Variants in SAMD4A observed in about 807,000 individuals in gnomAD.
SAMD4A encodes protein Smaug homolog 1.
SAMD4A carries 33 observed loss-of-function variants against 81.3 expected under a neutral mutation model. The observed-to-expected ratio is 0.41, with a 90% CI of 0.31 to 0.54. SAMD4A has a LOEUF of 0.54. Among genes scored for constraint, SAMD4A ranks in the 20% least tolerant of loss-of-function variants. The pLI is 0.37. For missense variants in SAMD4A, 854 were observed against 951.1 expected, an observed-to-expected ratio of 0.90 and a Z score of 1.34; for synonymous variants, 389 against 382.1, an observed-to-expected ratio of 1.02 and a Z score of -0.21.
Position 54,702,557 on chromosome 14 carries a change from C to A in SAMD4A, c.692C>A (p.Thr231Lys). The A allele has an allele frequency of 6.2e-7, 1 of 1,614,064 alleles. No homozygotes were observed. The highest frequency in any genetic ancestry group is 8.5e-7 in the Non-Finnish European group (1 of 1,179,958). The stretch of plus-strand genomic sequence containing the variant: ...TCATCTGTCCCCACCACAATCAATA[C>A]GATTGGAACCAGCACAAGTACAAGT... ...SSSSVPTTINTIGTSTSTILS... is the reference protein window; with the variant it reads ...SSSSVPTTINKIGTSTSTILS... The change falls in exon 3 of 13, where the codon ACG becomes AAG. Residue 231 changes from threonine (T) to lysine (K), a missense_variant. Thr to Lys is a moderately conservative substitution (Grantham distance 78, BLOSUM62 -1). This residue lies in a region of SAMD4A where 387 missense variants were observed against 405.8 expected (regional missense o/e 0.95). Coordinates refer to ENST00000554335, the MANE Select transcript of SAMD4A (RefSeq NM_015589.6).
rs769193366 is a variant in SAMD4A at position 54,678,433 on chromosome 14, T to TTGTGTGTGTGTGTG, written c.197-23559_197-23546dup. ...GTGTCGTATTTTGGGCAGTCACCAT[T>TTGTGTGTGTGTGTG]TGTGTGTGTGTGTGTGTGTGTGTGT... On this transcript the variant is annotated intron_variant, in intron 2 of 12. Transcript: ENST00000554335. 1.3e-3 allele frequency among the ~76,000 whole-genome samples: 108 copies of TTGTGTGTGTGTGTG among 81,268 alleles called. 1 individual carries two copies. Among genetic ancestry groups the TTGTGTGTGTGTGTG allele is most frequent in the East Asian group, 1.9e-3 (4 of 2,068 alleles). The allele number at this position is 81,268 out of a possible 152,430, so 53.3% of individuals were successfully genotyped here.
At chr14:54,698,981 G>A (rs1342639754) in intron 2 of SAMD4A, among the ~76,000 whole-genome samples, 3 of 151,808 alleles carry the variant, frequency 2.0e-5, no homozygotes, top group African/African-American at 4.8e-5. Flanking sequence ...GTCCAATCAG[G>A]GAAATGACCT....
intron 2 of SAMD4A, among the ~76,000 whole-genome samples, chr14:54,650,009 G>A (rs1378926851): frequency 6.6e-6 from 1 of 152,244 alleles, no homozygotes; most frequent in Non-Finnish European, 1.5e-5. Flanking sequence ...ACTGACTTAT[G>A]ATATACCACT....
chr14:54,755,209 C>T (rs2038206917), intron 6 of SAMD4A, among the ~76,000 whole-genome samples: 1 of 151,984 alleles, frequency 6.6e-6, no homozygotes, highest in Non-Finnish European at 1.5e-5. Context: ...TGTGACGAGG[C>T]TTGGGTTTGA....
At chr14:54,769,049 C>A (rs4901542) in intron 8 of SAMD4A, among the ~76,000 whole-genome samples, 96,548 of 152,078 alleles carry the variant, frequency 0.63, 30,960 homozygotes, top group African/African-American at 0.72. Flanking sequence ...ACTTCTCTCC[C>A]TCCTTGTTAC....
At chr14:54,737,924 A>C (rs895858574) in intron 4 of SAMD4A, among the ~76,000 whole-genome samples, 27 of 146,178 alleles carry the variant, frequency 1.8e-4, no homozygotes, top group African/African-American at 7.0e-4. Context: ...TAGCATAAAT[A>C]AATTCCTCCA....
chr14:54,701,754 T>C (rs1430889631), intron 2 of SAMD4A, among the ~76,000 whole-genome samples: 2 of 152,236 alleles, frequency 1.3e-5, no homozygotes, highest in Non-Finnish European at 2.9e-5. Context: ...GCTAGACCTT[T>C]CTCAGAAAGA....
chr14:54,597,177 T>C (rs2033932036), intron 2 of SAMD4A, among the ~76,000 whole-genome samples: 2 of 152,052 alleles, frequency 1.3e-5, no homozygotes, highest in South Asian at 2.1e-4. Flanking sequence ...ACAATCTGCT[T>C]AGCGTGTAGG....
At chr14:54,677,265 G>A (rs753792124) in intron 2 of SAMD4A, among the ~76,000 whole-genome samples, 6 of 152,174 alleles carry the variant, frequency 3.9e-5, no homozygotes, top group Non-Finnish European at 7.3e-5. Context: ...AATTGGTCAT[G>A]GTGTTAGAAT....
intron 3 of SAMD4A, among the ~76,000 whole-genome samples, chr14:54,724,931 G>A (rs572360892): frequency 6.6e-5 from 10 of 152,274 alleles, no homozygotes; most frequent in South Asian, 4.1e-4. Flanking sequence ...AGAGAGAACC[G>A]CACTGCATAA....
At chr14:54,680,144 A>G (rs2036096137) in intron 2 of SAMD4A, among the ~76,000 whole-genome samples, 1 of 152,218 alleles carries the variant, frequency 6.6e-6, no homozygotes, top group African/African-American at 2.4e-5. Context: ...GCCTGAGGTC[A>G]CTACATTTTT....
At chr14:54,747,309 T>G (rs2037992537) in intron 4 of SAMD4A, among the ~76,000 whole-genome samples, 1 of 152,240 alleles carries the variant, frequency 6.6e-6, no homozygotes, top group Non-Finnish European at 1.5e-5. Flanking sequence ...TTTGCATTAC[T>G]GCAAATCAAC....
At chr14:54,728,194 G>A (rs556838050) in intron 3 of SAMD4A, among the ~76,000 whole-genome samples, 49 of 152,074 alleles carry the variant, frequency 3.2e-4, no homozygotes, top group Non-Finnish European at 6.6e-4. Context: ...TGTTTCTCTG[G>A]GGCAGAGAAG....
At chr14:54,571,741 A>G (rs1436487842) in intron 2 of SAMD4A, among the ~76,000 whole-genome samples, 1 of 152,196 alleles carries the variant, frequency 6.6e-6, no homozygotes, top group Non-Finnish European at 1.5e-5. Context: ...CTCAGAATGT[A>G]ATTACTCTTA....
At chr14:54,777,662 A>G (rs1400553035) in intron 11 of SAMD4A, among the ~76,000 whole-genome samples, 1 of 151,258 alleles carries the variant, frequency 6.6e-6, no homozygotes. Flanking sequence ...AGGAGGGTGC[A>G]GGATGATGGG....
chr14:54,567,878 G>T lies in SAMD4A; in HGVS notation c.-39G>T. ...TGGGGCGGGCGGGGCGGGCTGGGGC[G>T]CCCAGGGGGCTCTGTAGACCGAGGG... On this transcript the variant is annotated 5_prime_UTR_variant, in exon 2 of 13. Coordinates refer to ENST00000554335, the MANE Select transcript of SAMD4A (RefSeq NM_015589.6). The T allele has an allele frequency of 6.3e-7, 1 of 1,578,860 alleles. No individual in the cohort carries two copies. Among genetic ancestry groups the T allele is most frequent in the Non-Finnish European group, 8.5e-7 (1 of 1,170,234 alleles).
chr14:54,624,181 G>T (rs2034690488), intron 2 of SAMD4A, among the ~76,000 whole-genome samples: 1 of 151,266 alleles, frequency 6.6e-6, no homozygotes, highest in Admixed American at 6.6e-5. Flanking sequence ...CACCATGTTG[G>T]CCAGGCTGGT....
intron 3 of SAMD4A, among the ~76,000 whole-genome samples, chr14:54,713,097 A>T (rs541330215): frequency 3.9e-5 from 6 of 152,218 alleles, no homozygotes; most frequent in Admixed American, 1.3e-4. Flanking sequence ...TTAAATTTGC[A>T]TTTACTGATT....
chr14:54,675,468 T>G (rs1594796581), intron 2 of SAMD4A, among the ~76,000 whole-genome samples: 1 of 151,252 alleles, frequency 6.6e-6, no homozygotes, highest in Non-Finnish European at 1.5e-5. Context: ...TGCTTGAGAG[T>G]CAAACTTTAA....
Sources: gnomAD v4.1 joint callset for allele counts (sites outside exome capture counted in the v4.1 genomes callset) on GRCh38, gnomAD v4.1.1 for gene constraint, gnomAD v4.1.1 regional missense constraint, MANE v1.5 for transcripts, NCBI Gene and HGNC (gene_info 2026-07-23, HGNC 2026-07-21) for gene names.